C7orf78: variants seen among roughly 807,000 people sequenced by gnomAD.
C7orf78 encodes putative uncharacterized protein C7orf78.
chr7:12,499,086 G>C, the C7orf78 span, among the ~76,000 whole-genome samples: 1 of 151,974 alleles, frequency 6.6e-6, no homozygotes. Context: ...TGAAGGAAGC[G>C]CTAAACATGG....
the C7orf78 span, among the ~76,000 whole-genome samples, chr7:12,493,139 T>C: frequency 2.0e-5 from 3 of 152,062 alleles, no homozygotes; most frequent in Non-Finnish European, 4.4e-5. Context: ...GAGGTTGGAG[T>C]GAGCCGAGAT....
At chr7:12,515,045 A>G in the C7orf78 span, among the ~76,000 whole-genome samples, 11 of 152,058 alleles carry the variant, frequency 7.2e-5, 1 homozygote, top group Admixed American at 2.6e-4. Context: ...TGTTGTTTTT[A>G]TAAACTTGTC....
chr7:12,506,444 T>C, the C7orf78 span, among the ~76,000 whole-genome samples: 2 of 152,132 alleles, frequency 1.3e-5, no homozygotes, highest in Non-Finnish European at 2.9e-5. Flanking sequence ...ATATACACCA[T>C]GAAATACTAT....
At chr7:12,488,905 T>C in the C7orf78 span, among the ~76,000 whole-genome samples, 1 of 120,776 alleles carries the variant, frequency 8.3e-6, no homozygotes, top group Non-Finnish European at 1.7e-5. Flanking sequence ...GTGGAGGGGG[T>C]TTGATTGGTT....
At chr7:12,498,823 G>A in the C7orf78 span, among the ~76,000 whole-genome samples, 1 of 150,628 alleles carries the variant, frequency 6.6e-6, no homozygotes, top group Non-Finnish European at 1.5e-5. Context: ...AATGTTAAGG[G>A]CAGCCAGAGA....
the C7orf78 span, among the ~76,000 whole-genome samples, chr7:12,497,683 G>C: frequency 6.6e-6 from 1 of 152,112 alleles, no homozygotes; most frequent in South Asian, 2.1e-4. Flanking sequence ...GCCCAGGCTT[G>C]ATTAGGTAAA....
the C7orf78 span, among the ~76,000 whole-genome samples, chr7:12,536,417 C>T: frequency 6.6e-6 from 1 of 152,114 alleles, no homozygotes; most frequent in Non-Finnish European, 1.5e-5. Flanking sequence ...CCCTAGGCTG[C>T]ACACAGCACG....
chr7:12,495,621 C>T, the C7orf78 span, among the ~76,000 whole-genome samples: 14,520 of 152,198 alleles, frequency 0.095, 855 homozygotes, highest in Non-Finnish European at 0.13. Flanking sequence ...GTTGATATTA[C>T]TTATTTTTTC....
chr7:12,525,960 T>C, the C7orf78 span: 42 of 394,878 alleles, frequency 1.1e-4, no homozygotes, highest in East Asian at 1.5e-3. Context: ...TCCATATTAG[T>C]AGTAGTAAAT....
At chr7:12,521,400 T>C in the C7orf78 span, among the ~76,000 whole-genome samples, 1 of 152,024 alleles carries the variant, frequency 6.6e-6, no homozygotes. Flanking sequence ...ATTTTTTTCT[T>C]TCTGATTAGT....
At chr7:12,510,133 A>G in the C7orf78 span, among the ~76,000 whole-genome samples, 1 of 149,600 alleles carries the variant, frequency 6.7e-6, no homozygotes, top group Non-Finnish European at 1.5e-5. Context: ...CCAGTGTTCA[A>G]TTGGTGGATA....
chr7:12,528,925 G>T, the C7orf78 span: 1 of 398,316 alleles, frequency 2.5e-6, no homozygotes, highest in East Asian at 3.6e-5. Context: ...GTTACCGAAA[G>T]ATGATAAACA....
the C7orf78 span, among the ~76,000 whole-genome samples, chr7:12,497,216 G>A: frequency 2.0e-5 from 3 of 152,282 alleles, no homozygotes; most frequent in African/African-American, 7.2e-5. Context: ...ATGGCGGGGG[G>A]AGGAGCCAAG....
At chr7:12,509,678 A>G in the C7orf78 span, among the ~76,000 whole-genome samples, 13 of 152,208 alleles carry the variant, frequency 8.5e-5, no homozygotes, top group African/African-American at 3.1e-4. Flanking sequence ...TGTCCATGTG[A>G]TCAAGTTTTT....
At chr7:12,532,091 G>A in the C7orf78 span, among the ~76,000 whole-genome samples, 10 of 152,172 alleles carry the variant, frequency 6.6e-5, no homozygotes, top group Admixed American at 6.5e-4. Context: ...CTGGCAAAGG[G>A]AAGGGAAGAT....
the C7orf78 span, among the ~76,000 whole-genome samples, chr7:12,498,533 A>G: frequency 1.3e-5 from 2 of 152,048 alleles, no homozygotes; most frequent in Admixed American, 6.6e-5. Context: ...AAGTTTAGAG[A>G]AAAAAGAATA....
chr7:12,512,066 C>T, the C7orf78 span, among the ~76,000 whole-genome samples: 4,278 of 151,826 alleles, frequency 0.028, 203 homozygotes, highest in African/African-American at 0.098. Flanking sequence ...TGAGCCACCA[C>T]GCCTGGCCTG....
At chr7:12,532,765 T>C in the C7orf78 span, among the ~76,000 whole-genome samples, 1 of 152,116 alleles carries the variant, frequency 6.6e-6, no homozygotes, top group African/African-American at 2.4e-5. Context: ...ATAAAATATA[T>C]ATAATGTCTA....
At chr7:12,532,502 T>A in the C7orf78 span, among the ~76,000 whole-genome samples, 1 of 151,526 alleles carries the variant, frequency 6.6e-6, no homozygotes, top group Non-Finnish European at 1.5e-5. Flanking sequence ...TGAGCCAACA[T>A]TGTGCCACTG....
Sources: gnomAD v4.1 joint callset for allele counts (sites outside exome capture counted in the v4.1 genomes callset) on GRCh38, gnomAD v4.1.1 for gene constraint, MANE v1.5 for transcripts, NCBI Gene and HGNC (gene_info 2026-07-23, HGNC 2026-07-21) for gene names.